DCLK2: variants seen among roughly 807,000 people sequenced by gnomAD.
DCLK2 encodes doublecortin like kinase 2, also known as serine/threonine-protein kinase DCLK2.
DCLK2 carries 31 observed loss-of-function variants against 78.4 expected under a neutral mutation model. The observed-to-expected ratio is 0.40, with a 90% CI of 0.30 to 0.53. DCLK2 has a LOEUF of 0.53. DCLK2 is among the 20% of genes least tolerant of loss of function. The pLI is 0.61. For synonymous variants in DCLK2, 407 were observed against 374.9 expected (o/e 1.09, Z -0.99); for missense variants, 872 against 973.7 (o/e 0.90, Z 1.39).
At chr4:150,132,608 G>A (rs1733396209) in intron 2 of DCLK2, among the ~76,000 whole-genome samples, 1 of 151,942 alleles carries the variant, frequency 6.6e-6, no homozygotes, top group Non-Finnish European at 1.5e-5. Flanking sequence ...TTTTAAAGAC[G>A]GGGTTTTGCT....
At chr4:150,184,025 C>T (rs60887847) in intron 2 of DCLK2, among the ~76,000 whole-genome samples, 5,404 of 152,230 alleles carry the variant, frequency 0.035, 294 homozygotes, top group African/African-American at 0.12. Flanking sequence ...TGAGCCACCA[C>T]ACCCAGCCTC....
Position 150,256,013 on chromosome 4 carries a change from T to C in DCLK2, c.2074-7T>C, listed in dbSNP as rs1744529993. On this transcript the variant is annotated splice_polypyrimidine_tract_variant and splice_region_variant and intron_variant, in intron 15 of 15. Transcript: ENST00000296550. ...GTAATGTGTTGTCTCTGCTGTTTCCTCCTCAGAACACGGCTCTAGATAAGG... is the reference window on the plus strand; with the variant it reads ...GTAATGTGTTGTCTCTGCTGTTTCCCCCTCAGAACACGGCTCTAGATAAGG... The C allele has an allele frequency of 6.2e-7, 1 of 1,612,266 alleles. No individual in the cohort carries two copies. Among genetic ancestry groups the C allele is most frequent in the Non-Finnish European group, 8.5e-7 (1 of 1,179,550 alleles).
At chr4:150,134,428 C>T (rs1159924865) in intron 2 of DCLK2, among the ~76,000 whole-genome samples, 4 of 151,838 alleles carry the variant, frequency 2.6e-5, no homozygotes, top group African/African-American at 9.7e-5. Flanking sequence ...GTCTATTTTG[C>T]GAAATAAATT....
rs1360602595 is a variant in DCLK2, at chr4:150,257,136, G to C, written c.*889G>C. The stretch of plus-strand genomic sequence containing the variant: ...GCTCTGCTCCTGAGCCCCGGTAGCT[G>C]CTTCCTCATCTGCATTTCATCTGGA... On this transcript the variant is annotated 3_prime_UTR_variant, in exon 16 of 16. Transcript: ENST00000296550. The C allele has an allele frequency of 6.6e-6, 1 of 152,560 alleles. No homozygotes were observed. Among genetic ancestry groups the C allele is most frequent in the Non-Finnish European group, 1.5e-5 (1 of 68,108 alleles). 9.5% of individuals were successfully genotyped at this position (152,560 alleles called of 1,614,324 possible). A position where few individuals can be genotyped will look rare whatever the true frequency, so the allele number is the denominator to read the frequency against.
At chr4:150,202,889 A>G (rs1739556624) in intron 4 of DCLK2, among the ~76,000 whole-genome samples, 1 of 152,208 alleles carries the variant, frequency 6.6e-6, no homozygotes. Context: ...ACAATCAGGC[A>G]TAAGTCATAC....
intron 2 of DCLK2, among the ~76,000 whole-genome samples, chr4:150,161,443 C>T (rs1735703251): frequency 6.6e-6 from 1 of 152,028 alleles, no homozygotes. Flanking sequence ...TACAAAGAGA[C>T]AAAATACAAA....
intron 2 of DCLK2, among the ~76,000 whole-genome samples, chr4:150,171,420 C>T (rs1015347676): frequency 6.6e-6 from 1 of 152,096 alleles, no homozygotes; most frequent in Admixed American, 6.6e-5. Flanking sequence ...GGCGGAGCTT[C>T]CAGTGAGCAG....
chr4:150,150,004 T>G (rs1251514846), intron 2 of DCLK2, among the ~76,000 whole-genome samples: 1 of 152,178 alleles, frequency 6.6e-6, no homozygotes, highest in Non-Finnish European at 1.5e-5. Flanking sequence ...ACAAAGAACA[T>G]AATTGAAGTG....
intron 2 of DCLK2, among the ~76,000 whole-genome samples, chr4:150,192,744 A>C (rs1207414298): frequency 6.6e-6 from 1 of 152,190 alleles, no homozygotes; most frequent in East Asian, 1.9e-4. Flanking sequence ...AAGGTCACAC[A>C]GTGGGAAGCA....
Position 150,193,148 on chromosome 4 carries a change from T to C in DCLK2, c.767T>C (p.Leu256Pro). Residue 256 changes from leucine (L) to proline (P), a missense_variant, in exon 3 of 16, where the codon CTG becomes CCG. Transcript: ENST00000296550. The part of the protein sequence containing the change: ...CTLDGKQVTC[L>P]QDFFGDDDVF... ...GATTTTTGTTCTCAGGTTACTTGTC[T>C]GCAAGACTTTTTTGGTGATGACGAT... is the stretch of plus-strand genomic sequence containing the variant. 3.1e-6 allele frequency: 5 copies of C among 1,608,272 alleles called. No individual in the cohort carries two copies. Among genetic ancestry groups the C allele is most frequent in the Non-Finnish European group, 4.3e-6 (5 of 1,175,898 alleles).
Position 150,202,519 on chromosome 4 carries a change from G to A in DCLK2, c.962-1276G>A, listed in dbSNP as rs1036756625. On this transcript the variant is annotated intron_variant, in intron 4 of 15. Coordinates refer to ENST00000296550, the MANE Select transcript of DCLK2 (RefSeq NM_001040260.4). The stretch of plus-strand genomic sequence containing the variant: ...ATATTCCTGTTTACAGGTGATTCTT[G>A]TAATCATTAGTACTCATTGATCCAC... 2.5e-4 allele frequency among the ~76,000 whole-genome samples: 38 copies of A among 152,152 alleles called. 1 individual carries two copies. Among genetic ancestry groups the A allele is most frequent in the Admixed American group, 3.3e-4 (5 of 15,278 alleles).
intron 8 of DCLK2, among the ~76,000 whole-genome samples, chr4:150,226,889 T>C (rs955176707): frequency 1.3e-5 from 2 of 152,216 alleles, no homozygotes; most frequent in Non-Finnish European, 2.9e-5. Context: ...TTTGTTAATT[T>C]GAGGGGGTGG....
At chr4:150,140,735 G>A (rs1272265504) in intron 2 of DCLK2, among the ~76,000 whole-genome samples, 1 of 151,994 alleles carries the variant, frequency 6.6e-6, no homozygotes, top group Non-Finnish European at 1.5e-5. Context: ...GTTTTTTATA[G>A]GTTAGTGTAT....
At chr4:150,224,451 A>T in intron 7 of DCLK2, 50 bp from the exon 8 acceptor site, 2 of 1,443,758 alleles carry the variant, frequency 1.4e-6, no homozygotes, top group South Asian at 1.3e-5. Context: ...AACAGGAATG[A>T]TGGTATTTAA....
chr4:150,090,242 C>T (rs1339521179), intron 1 of DCLK2, among the ~76,000 whole-genome samples: 1 of 152,150 alleles, frequency 6.6e-6, no homozygotes, highest in African/African-American at 2.4e-5. Context: ...CCCGTCTCTA[C>T]TAAAAATACA....
Position 150,234,752 on chromosome 4 carries a change from T to TAA in DCLK2, c.1566+1938_1566+1939dup, listed in dbSNP as rs77788835. Among the ~76,000 whole-genome samples the TAA allele has an allele frequency of 5.9e-3, 838 of 141,086 alleles. 6 individuals are homozygous for TAA. Among genetic ancestry groups the TAA allele is most frequent in the Non-Finnish European group, 0.01 (657 of 64,686 alleles). The allele number at this position is 141,086 out of a possible 152,430, so 92.6% of individuals were successfully genotyped here. A position where few individuals can be genotyped will look rare whatever the true frequency, so the allele number is the denominator to read the frequency against. Reference sequence around the variant, plus strand: ...GAAAAGAAATATCCCTGCTCTGTGTTAAAAAAAAAAAAAAAGGGGGATTGT... The same window carrying TAA: ...GAAAAGAAATATCCCTGCTCTGTGTTAAAAAAAAAAAAAAAAAGGGGGATTGT... On this transcript the variant is annotated intron_variant, in intron 10 of 15. Transcript: ENST00000296550.
chr4:150,193,429 A>T (rs1291909956), intron 3 of DCLK2, among the ~76,000 whole-genome samples, 189 bp downstream of exon 3: 1 of 152,092 alleles, frequency 6.6e-6, no homozygotes, highest in Non-Finnish European at 1.5e-5. Flanking sequence ...CTTATAAAAA[A>T]AGAAAGAAAG....
At chr4:150,188,076 C>T (rs542926951) in intron 2 of DCLK2, among the ~76,000 whole-genome samples, 5 of 152,252 alleles carry the variant, frequency 3.3e-5, no homozygotes, top group East Asian at 1.9e-4. Context: ...TGGGATTGCA[C>T]GCGTGAGCCA....
Position 150,079,329 on chromosome 4 carries a change from C to A in DCLK2, c.302C>A (p.Ala101Glu), listed in dbSNP as rs775088822. 1 of 1,589,146 alleles carries A rather than the reference C, an allele frequency of 6.3e-7. No homozygotes were observed. The highest frequency in any genetic ancestry group is 1.3e-5 in the African/African-American group (1 of 74,354). Residue 101 changes from alanine (A) to glutamate (E), a missense_variant, in exon 1 of 16, where the codon GCG becomes GAG. Ala to Glu is a moderately radical substitution (Grantham distance 107, BLOSUM62 -1). Around this residue, in one of 3 missense-constraint regions of DCLK2, gnomAD observed 567 missense variants for 593.4 expected, o/e 0.96. Coordinates refer to ENST00000296550, the MANE Select transcript of DCLK2 (RefSeq NM_001040260.4). ...ISSDRFRSFDALLIELTRSLS... is the reference protein window; with the variant it reads ...ISSDRFRSFDELLIELTRSLS... ...AGCGACCGCTTCCGGTCCTTCGATG[C>A]GCTCCTCATAGAGCTCACCCGCTCC...
Sources: gnomAD v4.1 joint callset for allele counts (sites outside exome capture counted in the v4.1 genomes callset) on GRCh38, gnomAD v4.1.1 for gene constraint, gnomAD v4.1.1 regional missense constraint, MANE v1.5 for transcripts, NCBI Gene and HGNC (gene_info 2026-07-23, HGNC 2026-07-21) for gene names.